The following CDC5L variants were observed in gnomAD, a reference collection of about 807,000 sequenced individuals.
The protein encoded by CDC5L is cell division cycle 5 like, also known as cell division cycle 5-like protein.
CDC5L carries 18 observed loss-of-function variants against 104.1 expected under a neutral mutation model. The observed-to-expected ratio is 0.17, with a 90% CI of 0.12 to 0.26. The LOEUF is 0.26. CDC5L is among the 10% of genes least tolerant of loss of function. CDC5L has a pLI of 1.00. For missense variants in CDC5L, 673 were observed against 956.9 expected, an observed-to-expected ratio of 0.70 and a Z score of 3.91; for synonymous variants, 331 against 322.7, an observed-to-expected ratio of 1.03 and a Z score of -0.28.
At chr6:44,396,096 G>A (rs1790857309) in intron 4 of CDC5L, among the ~76,000 whole-genome samples, 1 of 152,124 alleles carries the variant, frequency 6.6e-6, no homozygotes, top group Non-Finnish European at 1.5e-5. Flanking sequence ...AATTTTATAG[G>A]GAAACCATGC....
intron 5 of CDC5L, among the ~76,000 whole-genome samples, chr6:44,400,848 TG>T (rs1315528327): frequency 4.6e-5 from 7 of 152,234 alleles, no homozygotes; most frequent in Non-Finnish European, 8.8e-5. Flanking sequence ...AGCTGTTTAC[TG>T]TGTTGTTTTC....
At chr6:44,432,203 T>C (rs1199820910) in intron 14 of CDC5L, among the ~76,000 whole-genome samples, 1 of 152,246 alleles carries the variant, frequency 6.6e-6, no homozygotes, top group East Asian at 1.9e-4. Context: ...TGGTTTGAAA[T>C]ACATAAATAT....
chr6:44,397,802 A>G (rs1248006935), intron 5 of CDC5L, among the ~76,000 whole-genome samples: 1 of 152,226 alleles, frequency 6.6e-6, no homozygotes, highest in Non-Finnish European at 1.5e-5. Flanking sequence ...AATATATATT[A>G]CACATTGTCT....
rs1326171018 is a variant in CDC5L at position 44,449,846 on chromosome 6, G to A, written c.*3135G>A. The A allele has an allele frequency of 1.3e-5, 2 of 149,700 alleles. No homozygotes were observed. The highest frequency in any genetic ancestry group is 3.0e-5 in the Non-Finnish European group (2 of 67,520). The allele number at this position is 149,700 out of a possible 1,614,324, so 9.3% of individuals were successfully genotyped here. A position where few individuals can be genotyped will look rare whatever the true frequency, so the allele number is the denominator to read the frequency against. ...TTACATTTTTACATTAGTGAGATTG[G>A]TCTTTTGGGCTATTGTACTTTTTTT... On this transcript the variant is annotated 3_prime_UTR_variant, in exon 16 of 16. Transcript: ENST00000371477.
intron 13 of CDC5L, among the ~76,000 whole-genome samples, chr6:44,427,714 T>C (rs905752737): frequency 6.6e-6 from 1 of 152,208 alleles, no homozygotes; most frequent in Non-Finnish European, 1.5e-5. Flanking sequence ...CTAACATCTG[T>C]TGAGTTGCCT....
intron 14 of CDC5L, among the ~76,000 whole-genome samples, chr6:44,444,551 G>C (rs1216119748): frequency 6.6e-6 from 1 of 152,130 alleles, no homozygotes; most frequent in African/African-American, 2.4e-5. Flanking sequence ...TCCCCCATTA[G>C]CTCTCTGATG....
At position 44,446,870 on chromosome 6, in the gene CDC5L, A is replaced by C; in HGVS notation, c.*159A>C. ...ATCGATCTTACACATTCTGTGTATA[A>C]AGACCTTAACTCCACAGGACGGACA... is the stretch of plus-strand genomic sequence containing the variant. On this transcript the variant is annotated 3_prime_UTR_variant, in exon 16 of 16. Coordinates refer to ENST00000371477, the MANE Select transcript of CDC5L (RefSeq NM_001253.4). 2.2e-6 allele frequency: 1 copy of C among 446,398 alleles called. No individual in the cohort carries two copies. The highest frequency in any genetic ancestry group is 4.9e-5 in the South Asian group (1 of 20,360). 27.7% of individuals were successfully genotyped at this position (446,398 alleles called of 1,614,324 possible).
intron 8 of CDC5L, among the ~76,000 whole-genome samples, chr6:44,413,193 T>C (rs1475258504): frequency 2.6e-5 from 4 of 152,234 alleles, no homozygotes; most frequent in Non-Finnish European, 5.9e-5. Context: ...CTACTTTGTG[T>C]CTCTATAGAG....
At chr6:44,403,446 G>T (rs1791224763) in intron 5 of CDC5L, among the ~76,000 whole-genome samples, 1 of 151,656 alleles carries the variant, frequency 6.6e-6, no homozygotes, top group Non-Finnish European at 1.5e-5. Context: ...TAGTGTTACA[G>T]TTAGAAGTTT....
chr6:44,398,642 G>A (rs912368052), intron 5 of CDC5L, among the ~76,000 whole-genome samples: 4 of 152,192 alleles, frequency 2.6e-5, no homozygotes, highest in African/African-American at 9.6e-5. Flanking sequence ...TTCTAGTATT[G>A]TTAATGTTCT....
At position 44,400,672 on chromosome 6, in the gene CDC5L, G is replaced by T. The variant is rs114254327; in HGVS notation, c.540-3137G>T. On this transcript the variant is annotated intron_variant, in intron 5 of 15. Transcript: ENST00000371477. ...CCTGGGATTACAGACATGAGCCAGCGTGTCTGGCCAATTTTAGTCAGTCTA... is the reference window on the plus strand; with the variant it reads ...CCTGGGATTACAGACATGAGCCAGCTTGTCTGGCCAATTTTAGTCAGTCTA... Among the ~76,000 whole-genome samples, 1,208 of 152,304 alleles carry T rather than the reference G, an allele frequency of 7.9e-3. 21 individuals carry two copies. The highest frequency in any genetic ancestry group is 0.028 in the African/African-American group (1,154 of 41,542).
At chr6:44,424,729 T>C in intron 11 of CDC5L, 146 bp downstream of exon 11, 1 of 656,472 alleles carries the variant, frequency 1.5e-6, no homozygotes, top group Non-Finnish European at 2.6e-6. Flanking sequence ...ACTTATGTCA[T>C]TAATAATGTA....
intron 14 of CDC5L, chr6:44,435,677 C>A (rs1269549110): frequency 6.5e-6 from 1 of 152,962 alleles, no homozygotes; most frequent in African/African-American, 2.4e-5. Context: ...TGGCTGTGGC[C>A]TAGGGCAAGC....
At chr6:44,399,976 TA>T (rs1023549785) in intron 5 of CDC5L, among the ~76,000 whole-genome samples, 49 of 152,050 alleles carry the variant, frequency 3.2e-4, no homozygotes, top group African/African-American at 1.2e-3. Context: ...ATTAAATAAA[TA>T]TTTTTTTTCA....
At chr6:44,439,446 A>G (rs986222699) in intron 14 of CDC5L, among the ~76,000 whole-genome samples, 3 of 152,160 alleles carry the variant, frequency 2.0e-5, no homozygotes, top group African/African-American at 7.2e-5. Flanking sequence ...GTTGGGAAGC[A>G]CCGCGAGTCC....
At chr6:44,417,446 G>A (rs2153380104) in intron 8 of CDC5L, among the ~76,000 whole-genome samples, 1 of 152,234 alleles carries the variant, frequency 6.6e-6, no homozygotes, top group East Asian at 1.9e-4. Context: ...CACTTTTGTT[G>A]TGTTCTGTTG....
At chr6:44,418,681 C>T (rs1276586591) in intron 8 of CDC5L, among the ~76,000 whole-genome samples, 2 of 152,066 alleles carry the variant, frequency 1.3e-5, no homozygotes, top group Non-Finnish European at 2.9e-5. Context: ...TTAATGATTG[C>T]CATTCTAACT....
chr6:44,400,766 C>T (rs1364730174), intron 5 of CDC5L, among the ~76,000 whole-genome samples: 1 of 152,168 alleles, frequency 6.6e-6, no homozygotes, highest in African/African-American at 2.4e-5. Flanking sequence ...TGCTCACAGT[C>T]ACCCTGGGAT....
chr6:44,438,012 C>T (rs1250278782), intron 14 of CDC5L, among the ~76,000 whole-genome samples: 4 of 152,090 alleles, frequency 2.6e-5, no homozygotes, highest in African/African-American at 9.7e-5. Context: ...TGCAGTGGCG[C>T]GATCATGGCT....
Sources: allele counts gnomAD v4.1 joint callset (sites outside exome capture counted in the v4.1 genomes callset), GRCh38; gene constraint gnomAD v4.1.1; transcripts MANE v1.5; gene names NCBI Gene and HGNC (gene_info 2026-07-23, HGNC 2026-07-21).